CD58: variants seen among roughly 807,000 people sequenced by gnomAD.
The protein encoded by CD58 is lymphocyte function-associated antigen 3.
CD58 carries 14 observed loss-of-function variants against 27.6 expected under a neutral mutation model. The ratio of observed to expected loss-of-function variants is 0.51; its 90% CI spans 0.34 to 0.79. The LOEUF is 0.79. CD58 is among the 30% of genes least tolerant of loss of function. The pLI, the probability that CD58 is intolerant of heterozygous loss-of-function variation, is 0.02. For missense variants in CD58, 268 were observed against 301.7 expected, an observed-to-expected ratio of 0.89 and a Z score of 0.83; for synonymous variants, 117 against 103.8, an observed-to-expected ratio of 1.13 and a Z score of -0.77.
intron 1 of CD58, among the ~76,000 whole-genome samples, chr1:116,565,696 A>G (rs1161021635): frequency 6.6e-6 from 1 of 151,192 alleles, no homozygotes; most frequent in African/African-American, 2.4e-5. Context: ...AAGAATCCAA[A>G]TAACTTTTTT....
At position 116,516,348 on chromosome 1, in the gene CD58, C is replaced by G. The variant is rs1657083516; in HGVS notation, c.744-1526G>C. 6.6e-6 allele frequency among the ~76,000 whole-genome samples: 1 copy of G among 152,196 alleles called. No individual in the cohort carries two copies. The highest frequency in any genetic ancestry group is 2.1e-4 in the South Asian group (1 of 4,828). ...TACCAAGAAAAGTAAGCTCCTCTCT[C>G]AATCTCAGCCCCAAATACTCAGGTC... is the stretch of plus-strand genomic sequence containing the variant. On this transcript the variant is annotated intron_variant, in intron 5 of 5. Transcript: ENST00000369489. The surrounding 1 kb of genome is among the most constrained non-coding windows in gnomAD (Gnocchi z 6.1).
intron 1 of CD58, among the ~76,000 whole-genome samples, chr1:116,555,827 C>A (rs899612025): frequency 6.6e-6 from 1 of 152,140 alleles, no homozygotes; most frequent in Non-Finnish European, 1.5e-5. Flanking sequence ...GAACTCTCAA[C>A]CCCCAGCACA....
rs1419564135 is a variant in CD58, at chr1:116,559,646, C to T, written c.70+11257G>A. Among the ~76,000 whole-genome samples the T allele has an allele frequency of 1.3e-5, 2 of 152,184 alleles. No individual in the cohort carries two copies. The highest frequency in any genetic ancestry group is 1.9e-4 in the East Asian group (1 of 5,198). On this transcript the variant is annotated intron_variant, in intron 1 of 5. Coordinates refer to ENST00000369489, the MANE Select transcript of CD58 (RefSeq NM_001779.3). The surrounding 1 kb of genome is among the most constrained non-coding windows in gnomAD (Gnocchi z 4.4). ...CTGTCTCCCAACGGTTACAAACCCT[C>T]GGTCCCCAAGGCCAGAGCAAGGTTC...
At chr1:116,526,207 C>G (rs531735739) in intron 3 of CD58, among the ~76,000 whole-genome samples, 2 of 152,238 alleles carry the variant, frequency 1.3e-5, no homozygotes, top group East Asian at 3.9e-4. Context: ...TAATGAAGTA[C>G]AGCTTACCAA....
Position 116,544,617 on chromosome 1 carries a change from A to G in CD58, c.71-13T>C. ...CAGCTGATGAAACCTAGGAGAGAAA[A>G]AAAAATTGGTTAGAAAAAACAACAT... On this transcript the variant is annotated splice_polypyrimidine_tract_variant and intron_variant, in intron 1 of 5. Coordinates refer to ENST00000369489, the MANE Select transcript of CD58 (RefSeq NM_001779.3). 1 of 1,545,240 alleles carries G rather than the reference A, an allele frequency of 6.5e-7. No individual in the cohort carries two copies. The highest frequency in any genetic ancestry group is 8.7e-7 in the Non-Finnish European group (1 of 1,147,982).
intron 3 of CD58, among the ~76,000 whole-genome samples, chr1:116,526,975 C>T (rs1281818210): frequency 6.6e-6 from 1 of 152,070 alleles, no homozygotes; most frequent in Non-Finnish European, 1.5e-5. Flanking sequence ...CTTCAAATTC[C>T]ACTTGTTCAT....
rs571232754 is a variant in CD58, at chr1:116,517,795, G to A, written c.743+1436C>T. Among the ~76,000 whole-genome samples, 65 of 152,190 alleles carry A rather than the reference G, an allele frequency of 4.3e-4. 1 individual carries two copies. The highest frequency in any genetic ancestry group is 1.3e-3 in the African/African-American group (55 of 41,536). ...AGGCGCCCCAATCCGTAACTCTAGC[G>A]TGAAGCCCACGCTCCAATTCTGTGC... On this transcript the variant is annotated intron_variant, in intron 5 of 5. Transcript: ENST00000369489. The surrounding 1 kb of genome is among the most constrained non-coding windows in gnomAD (Gnocchi z 6.5).
intron 1 of CD58, among the ~76,000 whole-genome samples, chr1:116,566,013 G>A (rs376889390): frequency 3.5e-4 from 54 of 152,182 alleles, no homozygotes; most frequent in African/African-American, 9.6e-4. Context: ...CACTGCACCC[G>A]GCCAGAATCC....
At position 116,514,812 on chromosome 1, in the gene CD58, A is replaced by G. The variant is rs1294452812; in HGVS notation, c.*1T>C. The G allele has an allele frequency of 8.4e-6, 13 of 1,550,904 alleles. No individual in the cohort carries two copies. Among genetic ancestry groups the G allele is most frequent in the South Asian group, 1.1e-5 (1 of 87,554 alleles). On this transcript the variant is annotated 3_prime_UTR_variant, in exon 6 of 6. Coordinates refer to ENST00000369489, the MANE Select transcript of CD58 (RefSeq NM_001779.3). ...CTGTTGTCTTCATCTTCTGTTACCAATCAATTGGAGCTACAAAAAAAAATC... is the reference window on the plus strand; with the variant it reads ...CTGTTGTCTTCATCTTCTGTTACCAGTCAATTGGAGCTACAAAAAAAAATC...
At position 116,563,851 on chromosome 1, in the gene CD58, C is replaced by G. The variant is rs1165190913; in HGVS notation, c.70+7052G>C. ...GAAGGTTTCTGATATGCCCTGGAGACATTTTCCCCATTGTCTTCGTGATTA... is the reference window on the plus strand; with the variant it reads ...GAAGGTTTCTGATATGCCCTGGAGAGATTTTCCCCATTGTCTTCGTGATTA... On this transcript the variant is annotated intron_variant, in intron 1 of 5. Transcript: ENST00000369489. This position sits in a 1 kb window ranked among gnomAD's most constrained non-coding sequence, Gnocchi z 4.1. Among the ~76,000 whole-genome samples the G allele has an allele frequency of 6.6e-6, 1 of 152,204 alleles. No individual in the cohort carries two copies. Among genetic ancestry groups the G allele is most frequent in the African/African-American group, 2.4e-5 (1 of 41,456 alleles).
intron 3 of CD58, chr1:116,533,687 C>T: frequency 1.5e-6 from 1 of 680,502 alleles, no homozygotes; most frequent in Non-Finnish European, 2.7e-6. Context: ...TTCCTGTCTC[C>T]AGCCAATTTC....
At chr1:116,547,188 A>G (rs1291470354) in intron 1 of CD58, among the ~76,000 whole-genome samples, 3 of 151,148 alleles carry the variant, frequency 2.0e-5, no homozygotes, top group Non-Finnish European at 4.4e-5. Context: ...CCCAAAGTTC[A>G]CTGTATCATT....
chr1:116,537,832 C>T (rs939809930), intron 2 of CD58, among the ~76,000 whole-genome samples: 1 of 152,138 alleles, frequency 6.6e-6, no homozygotes, highest in Admixed American at 6.5e-5. Flanking sequence ...CAACAATGGT[C>T]ATGGTAGCAC....
intron 1 of CD58, among the ~76,000 whole-genome samples, chr1:116,562,468 G>A (rs897378621): frequency 2.6e-5 from 4 of 152,096 alleles, no homozygotes; most frequent in Non-Finnish European, 2.9e-5. Flanking sequence ...GACTACAGGC[G>A]TGCACCACCA....
chr1:116,556,046 A>C (rs1168751064), intron 1 of CD58, among the ~76,000 whole-genome samples: 1 of 152,154 alleles, frequency 6.6e-6, no homozygotes, highest in Non-Finnish European at 1.5e-5. Flanking sequence ...ACTTGAGGTC[A>C]GGAGTTCCAG....
At chr1:116,560,357 T>C (rs1658716476) in intron 1 of CD58, among the ~76,000 whole-genome samples, 1 of 152,144 alleles carries the variant, frequency 6.6e-6, no homozygotes, top group Non-Finnish European at 1.5e-5. Flanking sequence ...GTTAAGGCTG[T>C]GAGTGTTTTT....
Position 116,521,857 on chromosome 1 carries a change from G to A in CD58, c.706+49C>T, listed in dbSNP as rs1236178743. 1 of 1,055,956 alleles carries A rather than the reference G, an allele frequency of 9.5e-7. No homozygotes were observed. The highest frequency in any genetic ancestry group is 2.0e-5 in the Admixed American group (1 of 50,924). The allele number at this position is 1,055,956 out of a possible 1,614,324, so 65.4% of individuals were successfully genotyped here. A position where few individuals can be genotyped will look rare whatever the true frequency, so the allele number is the denominator to read the frequency against. ...TCCTTAAACTATTTTCTGACCTTTG[G>A]AAAACAATGCAAGTTTTCAAACTAT... On this transcript the variant is annotated intron_variant, in intron 4 of 5. Coordinates refer to ENST00000369489, the MANE Select transcript of CD58 (RefSeq NM_001779.3). This position sits in a 1 kb window ranked among gnomAD's most constrained non-coding sequence, Gnocchi z 5.6.
rs913803339 is a variant in CD58 at position 116,557,888 on chromosome 1, G to C, written c.70+13015C>G. Among the ~76,000 whole-genome samples the C allele has an allele frequency of 4.6e-5, 7 of 152,062 alleles. No individual in the cohort carries two copies. The highest frequency in any genetic ancestry group is 3.3e-4 in the Admixed American group (5 of 15,264). ...AAGGTCTCACTATGTTGCTCAGGCT[G>C]ATCTCAAACTCGTGGGCTCAAGTGA... On this transcript the variant is annotated intron_variant, in intron 1 of 5. Transcript: ENST00000369489. This position sits in a 1 kb window ranked among gnomAD's most constrained non-coding sequence, Gnocchi z 5.2.
rs760682473 is a variant in CD58 at position 116,557,436 on chromosome 1, T to C, written c.71-12832A>G. Among the ~76,000 whole-genome samples, 10 of 152,176 alleles carry C rather than the reference T, an allele frequency of 6.6e-5. No homozygotes were observed. The highest frequency in any genetic ancestry group is 1.3e-4 in the Non-Finnish European group (9 of 68,042). ...GGCTCCACCTTCCCAACTCCACAGC[T>C]GTCCCTTTTGAGATGTTCCCTCTCA... On this transcript the variant is annotated intron_variant, in intron 1 of 5. Coordinates refer to ENST00000369489, the MANE Select transcript of CD58 (RefSeq NM_001779.3). The surrounding 1 kb of genome is among the most constrained non-coding windows in gnomAD (Gnocchi z 5.2).
Sources: gnomAD v4.1 joint callset for allele counts (sites outside exome capture counted in the v4.1 genomes callset) on GRCh38, gnomAD v4.1.1 for gene constraint, Gnocchi (gnomAD v3.1) non-coding constraint, MANE v1.5 for transcripts, NCBI Gene and HGNC (gene_info 2026-07-23, HGNC 2026-07-21) for gene names.